STX17: variants seen among roughly 807,000 people sequenced by gnomAD.
STX17 encodes syntaxin-17.
A neutral mutation model predicts 35.9 loss-of-function variants in STX17; 29 were observed. That is an observed-to-expected ratio of 0.81 (90% CI 0.60 to 1.10). STX17 has a LOEUF of 1.10. Among genes scored for constraint, STX17 ranks in the 50% least tolerant of loss-of-function variants. STX17 has a pLI of 0.00. For missense variants in STX17, 312 were observed against 352.3 expected (o/e 0.89, Z 0.92); for synonymous variants, 92 against 118.3 (o/e 0.78, Z 1.44).
At chr9:99,968,009 A>G (rs551030231) in intron 7 of STX17, among the ~76,000 whole-genome samples, 1 of 152,352 alleles carries the variant, frequency 6.6e-6, no homozygotes, top group South Asian at 2.1e-4. Flanking sequence ...TGCAGAGGGT[A>G]AAAGTGTAAG....
At chr9:99,964,688 G>C (rs1829883264) in intron 6 of STX17, among the ~76,000 whole-genome samples, 1 of 152,122 alleles carries the variant, frequency 6.6e-6, no homozygotes, top group African/African-American at 2.4e-5. Context: ...TTAATGTTTA[G>C]AGCTTGATTT....
chr9:99,943,727 A>C (rs1440840049), intron 3 of STX17, among the ~76,000 whole-genome samples: 1 of 152,224 alleles, frequency 6.6e-6, no homozygotes. Context: ...GTGTTTCTTT[A>C]GGATTTTAAA....
chr9:99,972,777 C>CAA lies in STX17; in HGVS notation c.*4105_*4106insAA, dbSNP rs1564079707. 1.2e-4 allele frequency among the ~76,000 whole-genome samples: 19 copies of CAA among 152,268 alleles called. No homozygotes were observed. In the East Asian group the frequency reaches 3.5e-3, roughly 28 times the overall value. The stretch of plus-strand genomic sequence containing the variant: ...AACCTTAAATATGAAAGGTGTTTCT[C>CAA]AGGGTCCCCTTTGTCCTTCGTTGCT... On this transcript the variant is annotated 3_prime_UTR_variant, in exon 8 of 8. Coordinates refer to ENST00000259400, the MANE Select transcript of STX17 (RefSeq NM_017919.3).
intron 3 of STX17, among the ~76,000 whole-genome samples, chr9:99,946,889 T>C (rs1312984724): frequency 6.6e-6 from 1 of 152,174 alleles, no homozygotes; most frequent in African/African-American, 2.4e-5. Context: ...TGTCTCTAGC[T>C]GCTTTTAGAC....
chr9:99,968,465 T>C lies in STX17; in HGVS notation c.701T>C (p.Val234Ala), dbSNP rs1216386539. ...AAKYKLAALP[V>A]AGALIGGMVG... ...AAATACAAGCTGGCAGCTCTGCCTGTGGCAGGTGCACTCATCGGGGGAATG... is the reference window on the plus strand; with the variant it reads ...AAATACAAGCTGGCAGCTCTGCCTGCGGCAGGTGCACTCATCGGGGGAATG... Residue 234 changes from valine (V) to alanine (A), a missense_variant, in exon 8 of 8, where the codon GTG becomes GCG. Physicochemically the swap from Val to Ala is moderately conservative, Grantham distance 64 (BLOSUM62 0). Transcript: ENST00000259400. 1 of 1,560,918 alleles carries C rather than the reference T, an allele frequency of 6.4e-7. No individual in the cohort carries two copies. Among genetic ancestry groups the C allele is most frequent in the South Asian group, 1.2e-5 (1 of 82,706 alleles).
intron 4 of STX17, among the ~76,000 whole-genome samples, chr9:99,953,637 T>C (rs561420621): frequency 6.6e-6 from 1 of 152,220 alleles, no homozygotes; most frequent in East Asian, 1.9e-4. Flanking sequence ...GGGCTCATCT[T>C]ATGTACCCAG....
At position 99,949,799 on chromosome 9, in the gene STX17, G is replaced by T. The variant is rs536344219; in HGVS notation, c.190-1261G>T. 2.1e-3 allele frequency among the ~76,000 whole-genome samples: 312 copies of T among 151,874 alleles called. 1 individual carries two copies. The highest frequency in any genetic ancestry group is 7.2e-3 in the African/African-American group (297 of 41,500). Reference sequence around the variant, plus strand: ...TTAATCTTAAAGGGATTGTTTCTTTGTTTTCAAAGTATAGACCATTGAGAA... The same window carrying T: ...TTAATCTTAAAGGGATTGTTTCTTTTTTTTCAAAGTATAGACCATTGAGAA... On this transcript the variant is annotated intron_variant, in intron 3 of 7. Transcript: ENST00000259400.
intron 4 of STX17, among the ~76,000 whole-genome samples, chr9:99,957,653 T>A (rs866021425): frequency 4.5e-5 from 5 of 111,362 alleles, no homozygotes; most frequent in South Asian, 5.3e-4. Context: ...TGTTATTGTT[T>A]TTGTTTTTTT....
intron 6 of STX17, among the ~76,000 whole-genome samples, chr9:99,961,893 T>C (rs1015136408): frequency 6.6e-6 from 1 of 152,142 alleles, no homozygotes; most frequent in African/African-American, 2.4e-5. Context: ...ACTATTGCAT[T>C]TGGAGGGTCT....
At chr9:99,927,928 T>G (rs1370451981) in intron 2 of STX17, among the ~76,000 whole-genome samples, 4 of 152,228 alleles carry the variant, frequency 2.6e-5, no homozygotes, top group African/African-American at 4.8e-5. Context: ...AGAAATTTTT[T>G]TTAATGCTCT....
intron 3 of STX17, among the ~76,000 whole-genome samples, chr9:99,929,404 A>G (rs1338245650): frequency 1.3e-5 from 2 of 151,808 alleles, no homozygotes; most frequent in African/African-American, 4.8e-5. Flanking sequence ...TTATTTTAAC[A>G]TAATTTTTAA....
At position 99,967,708 on chromosome 9, in the gene STX17, A is replaced by G. The variant is rs1829944564; in HGVS notation, c.638A>G (p.Asn213Ser). 4 of 1,613,824 alleles carry G rather than the reference A, an allele frequency of 2.5e-6. No homozygotes were observed. The highest frequency in any genetic ancestry group is 3.4e-6 in the Non-Finnish European group (4 of 1,179,900). The change falls in exon 7 of 8, where the codon AAT becomes AGT. Residue 213 changes from asparagine to serine, a missense_variant. Transcript: ENST00000259400. ...GACCATGTCAACAGTGCTGCTGTGA[A>G]TGTTGAAGAGGGAACCAAAAACTTA... is the stretch of plus-strand genomic sequence containing the variant. The part of the protein sequence containing the change: ...IADHVNSAAV[N>S]VEEGTKNLGK...
chr9:99,922,134 T>G (rs1192038712), intron 2 of STX17, among the ~76,000 whole-genome samples: 1 of 152,190 alleles, frequency 6.6e-6, no homozygotes, highest in South Asian at 2.1e-4. Context: ...TACACAGTAC[T>G]GGGCCACAGA....
rs369796871 is a variant in STX17 at position 99,967,693 on chromosome 9, A to G, written c.623A>G (p.Asn208Ser). The G allele has an allele frequency of 1.7e-5, 28 of 1,613,966 alleles. No homozygotes were observed. The highest frequency in any genetic ancestry group is 1.7e-4 in the Middle Eastern group (1 of 6,056). Residue 208 changes from asparagine to serine, a missense_variant, in exon 7 of 8, where the codon AAC (asparagine) becomes AGC (serine). Transcript: ENST00000259400. ...EKIDSIADHVNSAAVNVEEGT... is the reference protein window; with the variant it reads ...EKIDSIADHVSSAAVNVEEGT... ...ATTGACAGCATTGCAGACCATGTCA[A>G]CAGTGCTGCTGTGAATGTTGAAGAG...
chr9:99,938,576 T>C (rs1442302677), intron 3 of STX17, among the ~76,000 whole-genome samples: 1 of 152,118 alleles, frequency 6.6e-6, no homozygotes, highest in Non-Finnish European at 1.5e-5. Context: ...CCTGAGCTCA[T>C]GAGTTCAATA....
chr9:99,967,581 A>T, intron 6 of STX17, 72 bp from the exon 7 acceptor site: 1 of 1,405,336 alleles, frequency 7.1e-7, no homozygotes, highest in South Asian at 1.2e-5. Flanking sequence ...GATTACAGGA[A>T]TTAAAATAGT....
chr9:99,947,221 T>G lies in STX17; in HGVS notation c.190-3839T>G, dbSNP rs181591140. 1.6e-3 allele frequency among the ~76,000 whole-genome samples: 251 copies of G among 152,306 alleles called. 1 individual carries two copies. The highest frequency in any genetic ancestry group is 5.2e-3 in the African/African-American group (216 of 41,588). On this transcript the variant is annotated intron_variant, in intron 3 of 7. Transcript: ENST00000259400. ...TCTTGAACTGGGCCTAATATGAAGC[T>G]AAACTCAATTATTAAATTCTTGTGG...
chr9:99,929,063 ATACTCTC>A (rs1163978716), intron 3 of STX17: 1 of 436,980 alleles, frequency 2.3e-6, no homozygotes, highest in African/African-American at 2.0e-5. Context: ...ACACAGACTT[ATACTCTC>A]ACAAGCAATA....
At chr9:99,933,405 T>A (rs1456579366) in intron 3 of STX17, among the ~76,000 whole-genome samples, 3 of 152,180 alleles carry the variant, frequency 2.0e-5, no homozygotes, top group Non-Finnish European at 4.4e-5. Context: ...TTGGCTATAC[T>A]TGGCTCTTTA....
Sources: allele counts gnomAD v4.1 joint callset (sites outside exome capture counted in the v4.1 genomes callset), GRCh38; gene constraint gnomAD v4.1.1; transcripts MANE v1.5; gene names NCBI Gene and HGNC (gene_info 2026-07-23, HGNC 2026-07-21).